PLXNA4: variants seen among roughly 807,000 people sequenced by gnomAD.
The protein encoded by PLXNA4 is plexin-A4.
Under a neutral mutation model 191.8 loss-of-function variants are expected in PLXNA4, and 44 were observed. That is an observed-to-expected ratio of 0.23 (90% CI 0.18 to 0.29). The LOEUF (loss-of-function observed/expected upper bound fraction) is 0.29. PLXNA4 is among the 10% of genes least tolerant of loss of function. The pLI is 1.00. For missense variants in PLXNA4, 1,800 were observed against 2,488.8 expected (o/e 0.72, Z 5.89); for synonymous variants, 1,082 against 1,009.5 (o/e 1.07, Z -1.36).
At position 132,168,334 on chromosome 7, in the gene PLXNA4, C is replaced by T. The variant is rs781089345; in HGVS notation, c.4256G>A (p.Ser1419Asn). The T allele has an allele frequency of 6.3e-7, 1 of 1,588,970 alleles. No homozygotes were observed. The highest frequency in any genetic ancestry group is 8.6e-7 in the Non-Finnish European group (1 of 1,165,082). Residue 1419 changes from serine to asparagine, a missense_variant, in exon 22 of 32, where the codon AGC becomes AAC. Ser to Asn is a conservative substitution (Grantham distance 46, BLOSUM62 1). This residue lies in a region of PLXNA4 where 1,397 missense variants were observed against 1,880.4 expected (regional missense o/e 0.74). Coordinates refer to ENST00000321063, the MANE Select transcript of PLXNA4 (RefSeq NM_020911.2). ...GAGCAGCAGCTTAGGGTGGTTCTTGCTCTCCAGGTTCTTGTCAATGAGGTC... is the reference window on the plus strand; with the variant it reads ...GAGCAGCAGCTTAGGGTGGTTCTTGTTCTCCAGGTTCTTGTCAATGAGGTC... ...LADLIDKNLE[S>N]KNHPKLLLRR...
chr7:132,257,931 GCAAAAT>G (rs1383049776), intron 4 of PLXNA4, among the ~76,000 whole-genome samples: 2 of 152,250 alleles, frequency 1.3e-5, no homozygotes, highest in Admixed American at 6.5e-5. Context: ...GGAGAATCCA[GCAAAAT>G]CATTGACATG....
At chr7:132,392,635 C>G (rs1793548277) in intron 3 of PLXNA4, among the ~76,000 whole-genome samples, 1 of 152,238 alleles carries the variant, frequency 6.6e-6, no homozygotes, top group Admixed American at 6.5e-5. Flanking sequence ...AGGTGTGGCG[C>G]AGAGCTGAGC....
chr7:132,563,706 CCTCCTT>C (rs1801512963), intron 1 of PLXNA4, among the ~76,000 whole-genome samples: 1 of 121,698 alleles, frequency 8.2e-6, no homozygotes, highest in African/African-American at 3.3e-5. Flanking sequence ...TTCTCCTCCT[CCTCCTT>C]CTCCTCCTCC....
intron 25 of PLXNA4, among the ~76,000 whole-genome samples, chr7:132,153,972 G>C (rs745807375): frequency 2.0e-5 from 3 of 152,156 alleles, no homozygotes; most frequent in Non-Finnish European, 4.4e-5. Context: ...CTGAAGAAAG[G>C]AAAGGGTGGA....
intron 18 of PLXNA4, 125 bp downstream of exon 18, chr7:132,181,255 GC>G: frequency 6.7e-7 from 1 of 1,496,450 alleles, no homozygotes; most frequent in Non-Finnish European, 9.0e-7. Flanking sequence ...CACACTCTGG[GC>G]TACACTGCAA....
At chr7:132,446,125 C>A (rs550012766) in intron 3 of PLXNA4, among the ~76,000 whole-genome samples, 3 of 152,308 alleles carry the variant, frequency 2.0e-5, no homozygotes, top group Admixed American at 1.3e-4. Flanking sequence ...TGACCCCCAA[C>A]CTCCCTGAGC....
chr7:132,426,148 G>A (rs1209888408), intron 3 of PLXNA4, among the ~76,000 whole-genome samples: 1 of 152,208 alleles, frequency 6.6e-6, no homozygotes, highest in Non-Finnish European at 1.5e-5. Flanking sequence ...TACAACTGGA[G>A]GAGTGTCAAG....
chr7:132,562,931 C>T (rs1801321127), intron 1 of PLXNA4, among the ~76,000 whole-genome samples: 2 of 27,068 alleles, frequency 7.4e-5, no homozygotes, highest in Non-Finnish European at 1.7e-4. Context: ...TCCTCCTCTC[C>T]CTCCTCCTCT....
At chr7:132,588,634 AGGAAGGGAAGGGAAG>A (rs1188847081) in intron 2 of PLXNA4, among the ~76,000 whole-genome samples, 40 of 59,988 alleles carry the variant, frequency 6.7e-4, no homozygotes, top group African/African-American at 1.9e-3. Context: ...TGAGGAAGGA[AGGAAGGGAAGGGAAG>A]GGAAGGGAAG....
chr7:132,527,819 T>C (rs1053374074), intron 1 of PLXNA4, among the ~76,000 whole-genome samples: 32 of 151,988 alleles, frequency 2.1e-4, no homozygotes, highest in African/African-American at 7.3e-4. Flanking sequence ...CCTGATCCAA[T>C]CTGAAGAGCA....
chr7:132,620,220 C>T (rs1803235030), intron 2 of PLXNA4, among the ~76,000 whole-genome samples: 1 of 152,190 alleles, frequency 6.6e-6, no homozygotes, highest in African/African-American at 2.4e-5. Context: ...CTCATAATCC[C>T]ACCTACTCTT....
At chr7:132,344,471 G>A (rs1183074098) in intron 3 of PLXNA4, among the ~76,000 whole-genome samples, 2 of 152,156 alleles carry the variant, frequency 1.3e-5, no homozygotes, top group Non-Finnish European at 2.9e-5. Context: ...CAGAGCAGGT[G>A]TGGGGTCTCG....
At chr7:132,413,309 G>T (rs993319515) in intron 3 of PLXNA4, among the ~76,000 whole-genome samples, 3 of 152,166 alleles carry the variant, frequency 2.0e-5, no homozygotes, top group Non-Finnish European at 1.5e-5. Context: ...CAGCCCAGGG[G>T]TTTGCTTCAC....
At chr7:132,562,441 ATCCTCCTCCTCCTTCTCC>A (rs1801232941) in intron 1 of PLXNA4, among the ~76,000 whole-genome samples, 1 of 28,582 alleles carries the variant, frequency 3.5e-5, no homozygotes, top group Non-Finnish European at 6.8e-5. Flanking sequence ...TTTCCTCTTC[ATCCTCCTCCTCCTTCTCC>A]TCCTCCTCCT....
chr7:132,573,279 C>T (rs933749527), intron 1 of PLXNA4, among the ~76,000 whole-genome samples: 2 of 152,130 alleles, frequency 1.3e-5, no homozygotes, highest in Non-Finnish European at 2.9e-5. Flanking sequence ...GTATTGCTGC[C>T]GCCCCCTTGT....
At chr7:132,501,542 G>A (rs1798255197) in intron 2 of PLXNA4, among the ~76,000 whole-genome samples, 1 of 152,174 alleles carries the variant, frequency 6.6e-6, no homozygotes, top group Non-Finnish European at 1.5e-5. Context: ...AGCCTAGGAA[G>A]CCAGCCTCAA....
At chr7:132,267,808 GA>G (rs1398115099) in intron 4 of PLXNA4, among the ~76,000 whole-genome samples, 2 of 152,138 alleles carry the variant, frequency 1.3e-5, no homozygotes, top group African/African-American at 4.8e-5. Flanking sequence ...GCAAAGGAAA[GA>G]ACCCGTGGGG....
intron 3 of PLXNA4, among the ~76,000 whole-genome samples, chr7:132,412,019 G>A (rs748573823): frequency 6.6e-6 from 1 of 152,052 alleles, no homozygotes; most frequent in Non-Finnish European, 1.5e-5. Flanking sequence ...GGCCCTCAAA[G>A]GTGCCGAGTT....
At chr7:132,249,501 C>G (rs1410469148) in intron 4 of PLXNA4, among the ~76,000 whole-genome samples, 1 of 152,158 alleles carries the variant, frequency 6.6e-6, no homozygotes, top group Non-Finnish European at 1.5e-5. Flanking sequence ...TGCAGAGCGT[C>G]GAGAAATCAC....
Sources: allele counts gnomAD v4.1 joint callset (sites outside exome capture counted in the v4.1 genomes callset), GRCh38; gene constraint gnomAD v4.1.1; regional missense constraint gnomAD v4.1.1; transcripts MANE v1.5; gene names NCBI Gene and HGNC (gene_info 2026-07-23, HGNC 2026-07-21).